The following PRMT8 variants were observed in gnomAD, a reference collection of about 807,000 sequenced individuals.
The protein encoded by PRMT8 is protein arginine methyltransferase 8.
Under a neutral mutation model 47.1 loss-of-function variants are expected in PRMT8, and 7 were observed. The ratio of observed to expected loss-of-function variants is 0.15; its 90% CI spans 0.08 to 0.28. The LOEUF is 0.28. Among genes scored for constraint, PRMT8 ranks in the 10% least tolerant of loss-of-function variants. The pLI, the probability that PRMT8 is intolerant of heterozygous loss-of-function variation, is 1.00. For synonymous variants in PRMT8, 188 were observed against 186.5 expected, an observed-to-expected ratio of 1.01 and a Z score of -0.07; for missense variants, 237 against 505.4, an observed-to-expected ratio of 0.47 and a Z score of 5.09.
intron 4 of PRMT8, among the ~76,000 whole-genome samples, chr12:3,568,326 G>A (rs1041726108): frequency 1.4e-5 from 2 of 147,518 alleles, no homozygotes; most frequent in Admixed American, 1.4e-4. Flanking sequence ...TGGAAGGGGA[G>A]GCAGGCACAC....
upstream of PRMT8, among the ~76,000 whole-genome samples, chr12:3,489,825 AC>A (rs1565420422): frequency 4.9e-5 from 7 of 143,054 alleles, no homozygotes; most frequent in Non-Finnish European, 9.0e-5. Context: ...ACACACACAC[AC>A]ACACACACGC....
Position 3,552,919 on chromosome 12 carries a change from C to T in PRMT8, c.418-732C>T. The T allele has an allele frequency of 2.7e-6, 1 of 367,968 alleles. No homozygotes were observed. 22.8% of individuals were successfully genotyped at this position (367,968 alleles called of 1,614,324 possible). Reference sequence around the variant, plus strand: ...GTGAGGACGGCTCTTGGCAGCTGCCCCTCCATGTCCAGAACCCCTGGCAGT... The same window carrying T: ...GTGAGGACGGCTCTTGGCAGCTGCCTCTCCATGTCCAGAACCCCTGGCAGT... On this transcript the variant is annotated intron_variant, in intron 3 of 9. Coordinates refer to ENST00000382622, the MANE Select transcript of PRMT8 (RefSeq NM_019854.5). The surrounding 1 kb of genome is among the most constrained non-coding windows in gnomAD (Gnocchi z 4.5).
rs141771145 is a variant in PRMT8, at chr12:3,571,396, G to A, written c.712+1832G>A. On this transcript the variant is annotated intron_variant, in intron 6 of 9. Coordinates refer to ENST00000382622, the MANE Select transcript of PRMT8 (RefSeq NM_019854.5). ...AAAGCTTCTAGGTACATTCTTCATTGTCAAGTTCACTTAGATATTTATTGA... is the reference window on the plus strand; with the variant it reads ...AAAGCTTCTAGGTACATTCTTCATTATCAAGTTCACTTAGATATTTATTGA... Among the ~76,000 whole-genome samples the A allele has an allele frequency of 9.0e-3, 1,371 of 152,296 alleles. 29 individuals carry two copies. Among genetic ancestry groups the A allele is most frequent in the African/African-American group, 0.031 (1,289 of 41,546 alleles).
intron 1 of PRMT8, among the ~76,000 whole-genome samples, chr12:3,460,617 TC>T (rs1865030795): frequency 6.6e-6 from 1 of 152,198 alleles, no homozygotes; most frequent in Admixed American, 6.5e-5. Context: ...ACTAATTATA[TC>T]CCTGACATTA....
intron 7 of PRMT8, among the ~76,000 whole-genome samples, chr12:3,582,636 C>G (rs899909765): frequency 5.9e-5 from 9 of 152,162 alleles, no homozygotes; most frequent in Admixed American, 2.0e-4. Flanking sequence ...CCCCCAGGTA[C>G]TGTTGATGCT....
chr12:3,391,632 C>T (rs925147549), intron 1 of PRMT8, among the ~76,000 whole-genome samples: 12 of 152,122 alleles, frequency 7.9e-5, no homozygotes, highest in African/African-American at 2.2e-4. Flanking sequence ...AGGATTCGGG[C>T]GGAGGAGGGA....
rs1031504547 is a variant in PRMT8 at position 3,415,928 on chromosome 12, C to G, written c.48+34486C>G. ...TGAGCTGGGGTAATCACAGGGCTCT[C>G]CCCGCAGGACAGGGACAAACTAGGG... is the stretch of plus-strand genomic sequence containing the variant. On this transcript the variant is annotated intron_variant, in intron 1 of 9. Transcript: ENST00000452611. Among the ~76,000 whole-genome samples the G allele has an allele frequency of 3.3e-5, 5 of 152,172 alleles. No homozygotes were observed. The East Asian group carries it at 9.7e-4, about 29-fold the overall frequency.
chr12:3,442,271 T>C (rs922981529), intron 1 of PRMT8, among the ~76,000 whole-genome samples: 1 of 152,100 alleles, frequency 6.6e-6, no homozygotes. Flanking sequence ...GAGCTAACGA[T>C]AGGGTGGCTG....
At chr12:3,563,520 C>T (rs1217554020) in intron 4 of PRMT8, among the ~76,000 whole-genome samples, 2 of 151,930 alleles carry the variant, frequency 1.3e-5, no homozygotes, top group Non-Finnish European at 2.9e-5. Context: ...GTAGAGATAT[C>T]GACATCCTTT....
chr12:3,578,796 C>T (rs763454032), intron 7 of PRMT8, among the ~76,000 whole-genome samples: 22 of 152,122 alleles, frequency 1.4e-4, no homozygotes, highest in Non-Finnish European at 2.5e-4. Context: ...GAACTGCACC[C>T]GTTGGGCTGG....
chr12:3,423,810 C>T (rs1243959051), intron 1 of PRMT8, among the ~76,000 whole-genome samples: 3 of 152,180 alleles, frequency 2.0e-5, no homozygotes, highest in Non-Finnish European at 4.4e-5. Context: ...TACCATTATA[C>T]GGTTTCTGTC....
chr12:3,593,400 G>A lies in PRMT8; in HGVS notation c.*218G>A. On this transcript the variant is annotated 3_prime_UTR_variant, in exon 10 of 10. Transcript: ENST00000382622. The surrounding 1 kb of genome is among the most constrained non-coding windows in gnomAD (Gnocchi z 4.8). ...TCTGCCCTGGTAGCCCTTCACGAAG[G>A]CTTTGTGTTGCCAACAAAGAGCGAC... The A allele has an allele frequency of 1.1e-5, 6 of 536,430 alleles. No individual in the cohort carries two copies. The highest frequency in any genetic ancestry group is 1.3e-5 in the Non-Finnish European group (4 of 305,766). The allele number at this position is 536,430 out of a possible 1,614,324, so 33.2% of individuals were successfully genotyped here.
chr12:3,467,756 A>G (rs565498046), intron 1 of PRMT8, among the ~76,000 whole-genome samples: 1 of 152,346 alleles, frequency 6.6e-6, no homozygotes, highest in Non-Finnish European at 1.5e-5. Context: ...GGAGCAGGGC[A>G]AATCTGATCA....
intron 1 of PRMT8, among the ~76,000 whole-genome samples, chr12:3,465,442 A>G (rs1449766438): frequency 2.0e-5 from 3 of 151,912 alleles, no homozygotes; most frequent in Admixed American, 1.3e-4. Flanking sequence ...CTTTGCTCCA[A>G]ATTCCTTTTC....
At chr12:3,561,909 T>C (rs1464854377) in intron 4 of PRMT8, among the ~76,000 whole-genome samples, 1 of 152,196 alleles carries the variant, frequency 6.6e-6, no homozygotes, top group Non-Finnish European at 1.5e-5. Context: ...TTTGTATAAC[T>C]GTGGCACTCT....
intron 1 of PRMT8, among the ~76,000 whole-genome samples, chr12:3,469,556 C>T (rs1332358359): frequency 2.6e-5 from 4 of 151,782 alleles, no homozygotes; most frequent in East Asian, 1.9e-4. Flanking sequence ...TCATGGTTGC[C>T]GGGGGTTAGG....
intron 1 of PRMT8, among the ~76,000 whole-genome samples, chr12:3,470,329 G>C (rs377243974): frequency 1.5e-4 from 23 of 152,210 alleles, no homozygotes; most frequent in African/African-American, 5.5e-4. Context: ...TTCTCACTTT[G>C]GTTGTTTTTC....
chr12:3,543,289 G>A (rs189351855), intron 2 of PRMT8, among the ~76,000 whole-genome samples: 1 of 152,194 alleles, frequency 6.6e-6, no homozygotes, highest in Non-Finnish European at 1.5e-5. Flanking sequence ...CAGATCATCT[G>A]CATGAAAGGA....
At chr12:3,465,236 ATATT>A (rs1489762584) in intron 1 of PRMT8, among the ~76,000 whole-genome samples, 1 of 140,444 alleles carries the variant, frequency 7.1e-6, no homozygotes, top group African/African-American at 2.6e-5. Flanking sequence ...TAAAATATAT[ATATT>A]TTTATATAAA....
Sources: gnomAD v4.1 joint callset for allele counts (sites outside exome capture counted in the v4.1 genomes callset) on GRCh38, gnomAD v4.1.1 for gene constraint, Gnocchi (gnomAD v3.1) non-coding constraint, MANE v1.5 for transcripts, NCBI Gene and HGNC (gene_info 2026-07-23, HGNC 2026-07-21) for gene names.